Variants in ERI3 observed in about 807,000 individuals in gnomAD.
The protein encoded by ERI3 is ERI1 exoribonuclease family member 3.
In ERI3, 18 loss-of-function variants were observed where a neutral mutation model predicts 44.4. That is an observed-to-expected ratio of 0.41 (90% CI 0.28 to 0.60). The LOEUF is 0.60. Ranked by LOEUF, ERI3 falls within the 20% of genes least tolerant of loss-of-function variation. ERI3 has a pLI of 0.36. For missense variants in ERI3, 294 were observed against 435.5 expected (o/e 0.68, Z 2.89); for synonymous variants, 183 against 164.8 (o/e 1.11, Z -0.84).
intron 1 of ERI3, 175 bp downstream of exon 1, chr1:44,354,717 G>T (rs1646962529): frequency 1.0e-6 from 1 of 985,362 alleles, no homozygotes; most frequent in Non-Finnish European, 1.2e-6. Flanking sequence ...ATCCTGTCTT[G>T]CAAAGCTCTG....
chr1:44,355,089 C>G lies in ERI3; in HGVS notation c.-63G>C. ...CCTCCAGGTGCAGGCCCCGACGTCT[C>G]CCTCGGCCTCAGCAAGCGCTCAGGG... On this transcript the variant is annotated 5_prime_UTR_variant, in exon 1 of 9. Coordinates refer to ENST00000372257, the MANE Select transcript of ERI3 (RefSeq NM_024066.3). 7.9e-7 allele frequency: 1 copy of G among 1,269,710 alleles called. No homozygotes were observed. Among genetic ancestry groups the G allele is most frequent in the Non-Finnish European group, 1.0e-6 (1 of 1,002,246 alleles). 78.7% of individuals were successfully genotyped at this position (1,269,710 alleles called of 1,614,324 possible).
chr1:44,331,897 T>G (rs1030104631), intron 3 of ERI3, among the ~76,000 whole-genome samples: 1 of 152,156 alleles, frequency 6.6e-6, no homozygotes, highest in Admixed American at 6.5e-5. Context: ...TGAGCAGGGT[T>G]GATCATTCCC....
chr1:44,303,486 G>C (rs1645769322), intron 6 of ERI3, among the ~76,000 whole-genome samples: 1 of 152,166 alleles, frequency 6.6e-6, no homozygotes, highest in Non-Finnish European at 1.5e-5. Flanking sequence ...GTCAAGCCTT[G>C]TCCTTGTCCT....
Position 44,284,753 on chromosome 1 carries a change from A to C in ERI3, c.831+82T>G, listed in dbSNP as rs373542601. ...AAAAAGAAAAAGAGGGAGAACAGAT[A>C]TAAGAAAAGAAAGCAAAGGACGGGA... On this transcript the variant is annotated intron_variant, in intron 7 of 8. Transcript: ENST00000372257. 4.8e-5 allele frequency: 49 copies of C among 1,014,148 alleles called. No homozygotes were observed. In the South Asian group the frequency reaches 6.1e-4, roughly 13 times the overall value. The allele number at this position is 1,014,148 out of a possible 1,614,324, so 62.8% of individuals were successfully genotyped here. A position where few individuals can be genotyped will look rare whatever the true frequency, so the allele number is the denominator to read the frequency against.
chr1:44,292,665 C>G (rs1167444201), intron 6 of ERI3, among the ~76,000 whole-genome samples: 1 of 152,218 alleles, frequency 6.6e-6, no homozygotes, highest in African/African-American at 2.4e-5. Flanking sequence ...CGTGCGGTCC[C>G]TCCATTCTCC....
Position 44,254,983 on chromosome 1 carries a change from T to A in ERI3, c.832-6945A>T, listed in dbSNP as rs943503122. Among the ~76,000 whole-genome samples, 11 of 152,150 alleles carry A rather than the reference T, an allele frequency of 7.2e-5. No homozygotes were observed. In the East Asian group the frequency reaches 1.5e-3, roughly 21 times the overall value. ...AAGCATATGCTTAGATTTCTATCAC[T>A]TTCACATAACTTCTCTGTGTCTTGG... On this transcript the variant is annotated intron_variant, in intron 7 of 8. Transcript: ENST00000372257.
chr1:44,353,031 C>CTCAAACTT (rs1646928017), intron 1 of ERI3, 106 bp from the exon 2 acceptor site: 1 of 1,567,582 alleles, frequency 6.4e-7, no homozygotes, highest in Non-Finnish European at 8.6e-7. Context: ...TTCGGGATAA[C>CTCAAACTT]TGCTATCTAT....
chr1:44,295,938 T>G (rs1321753879), intron 6 of ERI3, among the ~76,000 whole-genome samples: 1 of 152,212 alleles, frequency 6.6e-6, no homozygotes, highest in Non-Finnish European at 1.5e-5. Context: ...TGATTCTGGC[T>G]ATAGGACTGA....
rs570027488 is a variant in ERI3 at position 44,266,706 on chromosome 1, T to C, written c.831+18129A>G. 1.7e-3 allele frequency among the ~76,000 whole-genome samples: 255 copies of C among 152,366 alleles called. 1 individual carries two copies. The highest frequency in any genetic ancestry group is 5.9e-3 in the African/African-American group (245 of 41,592). ...TACTGAATGAAAATGAATGAATGAA[T>C]GGCTATGTTGAACTCAATCCCATTT... On this transcript the variant is annotated intron_variant, in intron 7 of 8. Coordinates refer to ENST00000372257, the MANE Select transcript of ERI3 (RefSeq NM_024066.3).
intron 4 of ERI3, among the ~76,000 whole-genome samples, chr1:44,315,416 A>G (rs190475155): frequency 6.6e-6 from 1 of 152,360 alleles, no homozygotes; most frequent in East Asian, 1.9e-4. Flanking sequence ...ATGTGGGGCA[A>G]GAAAATCACT....
intron 6 of ERI3, among the ~76,000 whole-genome samples, chr1:44,307,678 G>A (rs1213614909): frequency 6.6e-6 from 1 of 152,168 alleles, no homozygotes; most frequent in Non-Finnish European, 1.5e-5. Flanking sequence ...AAAGCAGTGG[G>A]GACAAAGGAG....
intron 3 of ERI3, among the ~76,000 whole-genome samples, chr1:44,329,343 A>G (rs1367148931): frequency 6.6e-6 from 1 of 152,100 alleles, no homozygotes; most frequent in Non-Finnish European, 1.5e-5. Flanking sequence ...ACCACATTCA[A>G]CACCATCAAC....
chr1:44,249,804 G>A (rs1240437023), intron 7 of ERI3, among the ~76,000 whole-genome samples: 4 of 152,190 alleles, frequency 2.6e-5, no homozygotes, highest in Admixed American at 6.5e-5. Flanking sequence ...AGGCTGGAGC[G>A]CAGTGGGCCA....
At chr1:44,325,099 C>T (rs1374426070) in intron 3 of ERI3, among the ~76,000 whole-genome samples, 14 of 120,660 alleles carry the variant, frequency 1.2e-4, no homozygotes, top group Admixed American at 1.9e-4. Flanking sequence ...TTTTTTGAGT[C>T]GGAGTCTCAC....
intron 3 of ERI3, among the ~76,000 whole-genome samples, chr1:44,328,379 T>G (rs1026447873): frequency 6.6e-6 from 1 of 152,040 alleles, no homozygotes; most frequent in African/African-American, 2.4e-5. Flanking sequence ...TGAGAACTTG[T>G]TAGAAATGCA....
chr1:44,243,075 A>G (rs1438041133), intron 8 of ERI3, among the ~76,000 whole-genome samples: 7 of 152,164 alleles, frequency 4.6e-5, no homozygotes, highest in African/African-American at 1.7e-4. Context: ...TGGACTCTTG[A>G]TAGACACCCC....
At chr1:44,301,041 C>T (rs1645714488) in intron 6 of ERI3, among the ~76,000 whole-genome samples, 1 of 142,714 alleles carries the variant, frequency 7.0e-6, no homozygotes, top group Admixed American at 6.9e-5. Context: ...ATTCATTTCC[C>T]TGTCTGTGGG....
intron 8 of ERI3, among the ~76,000 whole-genome samples, chr1:44,238,319 GGCTCC>G (rs1233932766): frequency 2.0e-5 from 3 of 152,082 alleles, no homozygotes; most frequent in Admixed American, 2.0e-4. Context: ...CGGGGCCAGG[GGCTCC>G]CCCCTGCGGC....
intron 7 of ERI3, among the ~76,000 whole-genome samples, chr1:44,270,205 T>G (rs1182678351): frequency 6.6e-6 from 1 of 152,190 alleles, no homozygotes; most frequent in African/African-American, 2.4e-5. Context: ...AGACTAACTT[T>G]ACCCTCTCAG....
Sources: gnomAD v4.1 joint callset for allele counts (sites outside exome capture counted in the v4.1 genomes callset) on GRCh38, gnomAD v4.1.1 for gene constraint, MANE v1.5 for transcripts, NCBI Gene and HGNC (gene_info 2026-07-23, HGNC 2026-07-21) for gene names.